SH2D4B: variants seen among roughly 807,000 people sequenced by gnomAD.
SH2D4B encodes the protein SH2 domain-containing protein 4B.
Under a neutral mutation model 61.5 loss-of-function variants are expected in SH2D4B, and 45 were observed. The observed-to-expected ratio is 0.73, with a 90% CI of 0.58 to 0.94. The LOEUF (loss-of-function observed/expected upper bound fraction) is 0.94, where lower values mean the gene tolerates loss of function less well. Ranked by LOEUF, SH2D4B falls within the 40% of genes least tolerant of loss-of-function variation. The probability of loss-of-function intolerance (pLI) is 0.00; values close to 1 mark genes in which losing one functional copy is unlikely to be tolerated. For missense variants in SH2D4B, 572 were observed against 574.2 expected (o/e 1.00, Z 0.04); for synonymous variants, 224 against 220.4 (o/e 1.02, Z -0.14).
At position 80,570,138 on chromosome 10, in the gene SH2D4B, T is replaced by G; in HGVS notation, c.185-16T>G. 4 of 1,610,650 alleles carry G rather than the reference T, an allele frequency of 2.5e-6. No individual in the cohort carries two copies. Among genetic ancestry groups the G allele is most frequent in the Non-Finnish European group, 3.4e-6 (4 of 1,176,992 alleles). On this transcript the variant is annotated splice_polypyrimidine_tract_variant and intron_variant, in intron 1 of 7. Coordinates refer to ENST00000646907, the MANE Select transcript of SH2D4B (RefSeq NM_001388272.1). ...GAAAATCAAACTTGTTTCTTCTTCC[T>G]TCTTCTATTGTGAAGCAGCGAGTGA...
At chr10:80,590,915 C>G (rs2132131726) in intron 4 of SH2D4B, among the ~76,000 whole-genome samples, 1 of 151,766 alleles carries the variant, frequency 6.6e-6, no homozygotes, top group Non-Finnish European at 1.5e-5. Context: ...ATTTCTGTCT[C>G]TAGATTTGCC....
chr10:80,605,209 G>A (rs548797992), intron 5 of SH2D4B, among the ~76,000 whole-genome samples: 86 of 151,634 alleles, frequency 5.7e-4, no homozygotes, highest in African/African-American at 2.0e-3. Flanking sequence ...ATGGGGTTCT[G>A]CACTTTGATT....
Position 80,611,697 on chromosome 10 carries a change from G to A in SH2D4B, c.988+2146G>A, listed in dbSNP as rs536470935. On this transcript the variant is annotated intron_variant, in intron 6 of 7. Coordinates refer to ENST00000646907, the MANE Select transcript of SH2D4B (RefSeq NM_001388272.1). ...GGCACGTGGGTGAGAGTGGGCAGCT[G>A]TGCCGGGTGCTCCAACTGCCTTTGG... Among the ~76,000 whole-genome samples, 48 of 152,360 alleles carry A rather than the reference G, an allele frequency of 3.2e-4. 1 individual carries two copies. The South Asian group carries it at 9.7e-3, about 31-fold the overall frequency.
intron 3 of SH2D4B, among the ~76,000 whole-genome samples, chr10:80,587,182 C>T (rs1420374326): frequency 7.8e-6 from 1 of 128,822 alleles, no homozygotes; most frequent in Non-Finnish European, 1.6e-5. Context: ...GACGCCCAGG[C>T]TGGAGTGCAG....
chr10:80,560,693 CTTTTT>C (rs58963330), intron 1 of SH2D4B, among the ~76,000 whole-genome samples: 31 of 58,866 alleles, frequency 5.3e-4, no homozygotes, highest in South Asian at 1.6e-3. Context: ...CCTGGCCAAG[CTTTTT>C]TTTTTTTTTT....
chr10:80,633,344 A>G (rs1842855085), intron 6 of SH2D4B, among the ~76,000 whole-genome samples: 1 of 152,226 alleles, frequency 6.6e-6, no homozygotes, highest in Admixed American at 6.5e-5. Context: ...GCTATTCTCT[A>G]TGTATGAAAT....
At chr10:80,637,611 C>T (rs1466575535) in intron 7 of SH2D4B, among the ~76,000 whole-genome samples, 2 of 152,132 alleles carry the variant, frequency 1.3e-5, no homozygotes, top group Non-Finnish European at 2.9e-5. Context: ...TATAGGAATG[C>T]TTGTGATTTT....
intron 3 of SH2D4B, among the ~76,000 whole-genome samples, chr10:80,588,229 A>G (rs7077834): frequency 0.41 from 63,001 of 152,020 alleles, 14,212 homozygotes; most frequent in East Asian, 0.62. Context: ...GGTAAGAAAT[A>G]TAACAATGTG....
At chr10:80,642,725 T>C (rs559141351) in intron 7 of SH2D4B, among the ~76,000 whole-genome samples, 21 of 152,344 alleles carry the variant, frequency 1.4e-4, no homozygotes, top group African/African-American at 4.3e-4. Context: ...AACAGTGCTG[T>C]AGAGACTTCC....
chr10:80,547,285 C>A (rs1841691726), intron 1 of SH2D4B, among the ~76,000 whole-genome samples: 1 of 152,216 alleles, frequency 6.6e-6, no homozygotes, highest in Admixed American at 6.5e-5. Context: ...CTTAAAGCTG[C>A]CTTGCGCCCC....
chr10:80,638,539 A>G (rs532483978), intron 7 of SH2D4B, among the ~76,000 whole-genome samples: 3 of 152,230 alleles, frequency 2.0e-5, no homozygotes, highest in South Asian at 2.1e-4. Flanking sequence ...CTAGGAATTT[A>G]TCCATTTCTT....
intron 3 of SH2D4B, among the ~76,000 whole-genome samples, chr10:80,571,782 T>C (rs919304403): frequency 4.6e-5 from 7 of 150,664 alleles, no homozygotes; most frequent in African/African-American, 1.7e-4. Context: ...TTTTCTTTTT[T>C]TTTTTTTTTG....
rs796771295 is a variant in SH2D4B at position 80,612,182 on chromosome 10, C to CTTTTTTTTTTTTTTTT, written c.988+2632_988+2647dup. ...CAGCCCGGGACCTCCCCCACTCCTG[C>CTTTTTTTTTTTTTTTT]TTTTTTTTTTTTTTTTCAACTTTAC... On this transcript the variant is annotated intron_variant, in intron 6 of 7. Transcript: ENST00000646907. Among the ~76,000 whole-genome samples, 3 of 62,994 alleles carry CTTTTTTTTTTTTTTTT rather than the reference C, an allele frequency of 4.8e-5. 1 individual carries two copies. Among genetic ancestry groups the CTTTTTTTTTTTTTTTT allele is most frequent in the Non-Finnish European group, 6.2e-5 (2 of 32,012 alleles). 41.3% of individuals were successfully genotyped at this position (62,994 alleles called of 152,430 possible). A position where few individuals can be genotyped will look rare whatever the true frequency, so the allele number is the denominator to read the frequency against.
At chr10:80,571,371 A>G (rs1842039898) in intron 2 of SH2D4B, 60 bp from the exon 3 acceptor site, 1 of 1,551,884 alleles carries the variant, frequency 6.4e-7, no homozygotes, top group Admixed American at 2.0e-5. Context: ...TTCAAGTTCT[A>G]TTGTTAGGTG....
chr10:80,609,763 T>C (rs1473344966), intron 6 of SH2D4B, among the ~76,000 whole-genome samples: 1 of 152,220 alleles, frequency 6.6e-6, no homozygotes, highest in East Asian at 1.9e-4. Context: ...GGGATGAACA[T>C]GGCTCTCGCC....
At chr10:80,633,990 C>A (rs1842863981) in intron 6 of SH2D4B, among the ~76,000 whole-genome samples, 1 of 152,210 alleles carries the variant, frequency 6.6e-6, no homozygotes, top group Non-Finnish European at 1.5e-5. Flanking sequence ...TCCTTGCTTA[C>A]CCAATTAATC....
In SH2D4B at chr10:80,645,167, G is replaced by A. The variant is rs1303130853; in HGVS notation, c.*1082G>A. ...AGCATTATAATGCTTGCAGCATTGT[G>A]TTTGGTGAGAGGAAAAGAATGAATG... On this transcript the variant is annotated 3_prime_UTR_variant, in exon 8 of 8. Transcript: ENST00000646907. 2.0e-5 allele frequency: 3 copies of A among 152,230 alleles called. No homozygotes were observed. The highest frequency in any genetic ancestry group is 1.3e-4 in the Admixed American group (2 of 15,284). 9.4% of individuals were successfully genotyped at this position (152,230 alleles called of 1,614,324 possible).
intron 6 of SH2D4B, among the ~76,000 whole-genome samples, chr10:80,630,844 T>C (rs897664718): frequency 3.9e-5 from 6 of 152,038 alleles, no homozygotes; most frequent in Non-Finnish European, 8.8e-5. Context: ...TACCAAACAG[T>C]GCGATGAGCC....
chr10:80,608,297 C>T (rs984094991), intron 5 of SH2D4B, among the ~76,000 whole-genome samples: 13 of 152,032 alleles, frequency 8.6e-5, no homozygotes, highest in East Asian at 1.9e-4. Context: ...GCACAGAGGG[C>T]GGGAGGAGGA....
Sources: allele counts gnomAD v4.1 joint callset (sites outside exome capture counted in the v4.1 genomes callset), GRCh38; gene constraint gnomAD v4.1.1; transcripts MANE v1.5; gene names NCBI Gene and HGNC (gene_info 2026-07-23, HGNC 2026-07-21).